The following CDH12 variants were observed in gnomAD, a reference collection of about 807,000 sequenced individuals.
CDH12 encodes cadherin-12.
In CDH12, 41 loss-of-function variants were observed where a neutral mutation model predicts 74.1. That is an observed-to-expected ratio of 0.55 (90% CI 0.43 to 0.72). CDH12 has a LOEUF of 0.72. Ranked by LOEUF, CDH12 falls within the 30% of genes least tolerant of loss-of-function variation. The probability of loss-of-function intolerance (pLI) is 0.00; values close to 1 mark genes in which losing one functional copy is unlikely to be tolerated. For synonymous variants in CDH12, 399 were observed against 355.0 expected, an observed-to-expected ratio of 1.12 and a Z score of -1.39; for missense variants, 945 against 977.2, an observed-to-expected ratio of 0.97 and a Z score of 0.44.
At chr5:21,924,438 C>T (rs1339678553) in intron 6 of CDH12, among the ~76,000 whole-genome samples, 2 of 152,112 alleles carry the variant, frequency 1.3e-5, no homozygotes, top group Non-Finnish European at 2.9e-5. Flanking sequence ...ATCGCCTCCA[C>T]TCAGGAGGCG....
At position 22,476,343 on chromosome 5, in the gene CDH12, G is replaced by A. The variant is rs1177706452; in HGVS notation, c.-428+28927C>T. ...ATTAAACCAAATTATATGTTTTATT[G>A]TTTATTGAATGGTACACATCATTCA... is the stretch of plus-strand genomic sequence containing the variant. On this transcript the variant is annotated intron_variant, in intron 2 of 14. Coordinates refer to ENST00000382254, the MANE Select transcript of CDH12 (RefSeq NM_004061.5). Among the ~76,000 whole-genome samples the A allele has an allele frequency of 6.5e-4, 99 of 152,074 alleles. 2 individuals carry two copies. The highest frequency in any genetic ancestry group is 2.4e-3 in the African/African-American group (99 of 41,530).
At chr5:22,685,782 T>C (rs1459259602) in intron 1 of CDH12, among the ~76,000 whole-genome samples, 1 of 152,218 alleles carries the variant, frequency 6.6e-6, no homozygotes, top group Admixed American at 6.5e-5. Flanking sequence ...ACACATCGTG[T>C]TTATCCATTC....
chr5:22,842,452 T>C (rs1243472298), intron 1 of CDH12, among the ~76,000 whole-genome samples: 1 of 152,054 alleles, frequency 6.6e-6, no homozygotes, highest in Non-Finnish European at 1.5e-5. Context: ...TTAGAGTGTA[T>C]GCAAGAGAGT....
intron 1 of CDH12, among the ~76,000 whole-genome samples, chr5:22,800,391 G>T (rs991520350): frequency 2.0e-5 from 3 of 152,074 alleles, no homozygotes; most frequent in African/African-American, 7.2e-5. Context: ...TTTTATAATA[G>T]ATATTTTTTA....
At chr5:21,767,886 A>G (rs1401055953) in intron 11 of CDH12, among the ~76,000 whole-genome samples, 1 of 151,730 alleles carries the variant, frequency 6.6e-6, no homozygotes, top group Non-Finnish European at 1.5e-5. Flanking sequence ...AAGAATGAAT[A>G]ATGCATAGGA....
intron 3 of CDH12, among the ~76,000 whole-genome samples, chr5:22,336,652 C>T (rs1438169007): frequency 6.6e-6 from 1 of 152,170 alleles, no homozygotes; most frequent in Non-Finnish European, 1.5e-5. Context: ...TGCCAGTGCA[C>T]ACAAGTCAAG....
intron 9 of CDH12, among the ~76,000 whole-genome samples, chr5:21,815,408 T>G (rs1164245758): frequency 1.3e-5 from 2 of 152,166 alleles, no homozygotes; most frequent in African/African-American, 4.8e-5. Flanking sequence ...ATAATTTGCC[T>G]CACTATTATG....
At chr5:22,439,205 T>C (rs913187031) in intron 2 of CDH12, among the ~76,000 whole-genome samples, 1 of 151,902 alleles carries the variant, frequency 6.6e-6, no homozygotes, top group African/African-American at 2.4e-5. Context: ...TTAAAATTAG[T>C]AGAGTTAAAG....
At chr5:22,305,811 A>G (rs1434375834) in intron 3 of CDH12, among the ~76,000 whole-genome samples, 2 of 152,138 alleles carry the variant, frequency 1.3e-5, no homozygotes, top group African/African-American at 4.8e-5. Flanking sequence ...AATGTTTTCT[A>G]TCTGTTACTT....
intron 6 of CDH12, among the ~76,000 whole-genome samples, chr5:21,884,926 C>T (rs1274839765): frequency 6.6e-6 from 1 of 151,922 alleles, no homozygotes; most frequent in Non-Finnish European, 1.5e-5. Context: ...ACTCTTGTTG[C>T]TCAGGCTGGA....
chr5:21,798,949 G>C (rs1746958850), intron 10 of CDH12, among the ~76,000 whole-genome samples: 1 of 152,080 alleles, frequency 6.6e-6, no homozygotes, highest in Non-Finnish European at 1.5e-5. Flanking sequence ...CTGAGTAAGG[G>C]GTACAGGCTG....
chr5:22,172,858 C>CAA (rs1749114797), intron 4 of CDH12, among the ~76,000 whole-genome samples: 1 of 151,196 alleles, frequency 6.6e-6, no homozygotes, highest in African/African-American at 2.4e-5. Flanking sequence ...ATTTTTAGTT[C>CAA]ATTAGATGCT....
chr5:22,103,445 A>G (rs1425008711), intron 4 of CDH12, among the ~76,000 whole-genome samples: 1 of 152,236 alleles, frequency 6.6e-6, no homozygotes, highest in African/African-American at 2.4e-5. Context: ...TTCTCAAATG[A>G]TAAATAAACT....
At chr5:22,818,776 G>A (rs976599037) in intron 1 of CDH12, among the ~76,000 whole-genome samples, 2 of 152,102 alleles carry the variant, frequency 1.3e-5, no homozygotes, top group African/African-American at 4.8e-5. Context: ...AGTACCTTGG[G>A]GTTGTTTCTG....
chr5:22,263,121 G>A (rs548630483), intron 3 of CDH12, among the ~76,000 whole-genome samples: 1 of 152,172 alleles, frequency 6.6e-6, no homozygotes, highest in Non-Finnish European at 1.5e-5. Context: ...AGAAATGCAA[G>A]TGCATACACT....
chr5:22,558,715 T>C lies in CDH12; in HGVS notation c.-522-53351A>G, dbSNP rs919252178. ...AATAAAAAAATAAGTCTCCAATGAA[T>C]ATACTGAGAAAAATATTTAAAATAA... is the stretch of plus-strand genomic sequence containing the variant. On this transcript the variant is annotated intron_variant, in intron 1 of 14. Coordinates refer to ENST00000382254, the MANE Select transcript of CDH12 (RefSeq NM_004061.5). Among the ~76,000 whole-genome samples the C allele has an allele frequency of 7.2e-5, 11 of 152,076 alleles. No homozygotes were observed. In the South Asian group the frequency reaches 8.3e-4, roughly 11 times the overall value.
At chr5:22,016,049 A>G (rs1040397371) in intron 5 of CDH12, among the ~76,000 whole-genome samples, 1 of 151,786 alleles carries the variant, frequency 6.6e-6, no homozygotes, top group Non-Finnish European at 1.5e-5. Context: ...TATAAAGTTG[A>G]TTTTCTATTA....
intron 3 of CDH12, among the ~76,000 whole-genome samples, chr5:22,347,802 A>C (rs1002435968): frequency 6.6e-6 from 1 of 152,318 alleles, no homozygotes; most frequent in South Asian, 2.1e-4. Context: ...ACTGATACTA[A>C]ATCAGAAAAC....
At chr5:21,867,115 G>A (rs971863733) in intron 6 of CDH12, among the ~76,000 whole-genome samples, 7 of 152,152 alleles carry the variant, frequency 4.6e-5, no homozygotes. Context: ...AGCACTTTGG[G>A]ATGCCAAGAA....
Sources: allele counts gnomAD v4.1 joint callset (sites outside exome capture counted in the v4.1 genomes callset), GRCh38; gene constraint gnomAD v4.1.1; transcripts MANE v1.5; gene names NCBI Gene and HGNC (gene_info 2026-07-23, HGNC 2026-07-21).